ENOX2: variants seen among roughly 807,000 people sequenced by gnomAD.
ENOX2 encodes the protein ecto-NOX disulfide-thiol exchanger 2.
A neutral mutation model predicts 45.0 loss-of-function variants in ENOX2; 36 were observed. The observed-to-expected ratio is 0.80, with a 90% CI of 0.61 to 1.06. The LOEUF (loss-of-function observed/expected upper bound fraction) is 1.06. Ranked by LOEUF, ENOX2 falls within the 50% of genes least tolerant of loss-of-function variation. ENOX2 has a pLI of 0.00. For missense variants in ENOX2, 423 were observed against 462.5 expected (o/e 0.91, Z 0.78); for synonymous variants, 174 against 152.3 (o/e 1.14, Z -1.05).
At chrX:130,646,137 TCTC>T in intron 10 of ENOX2, 1 of 515,917 alleles carries the variant, frequency 1.9e-6, no homozygotes, top group Non-Finnish European at 3.6e-6. Context: ...GCAAGCAACT[TCTC>T]CTGGAGCACT....
At chrX:130,882,659 C>T (rs1337814737) in intron 2 of ENOX2, among the ~76,000 whole-genome samples, 2 of 111,894 alleles carry the variant, frequency 1.8e-5, no homozygotes, top group Admixed American at 1.9e-4. Context: ...GCAATGTTCC[C>T]CTTCACTTTG....
intron 3 of ENOX2, among the ~76,000 whole-genome samples, chrX:130,755,077 T>G (rs1034824709): frequency 8.9e-6 from 1 of 111,851 alleles, no homozygotes; most frequent in Admixed American, 9.5e-5. Context: ...CATACAGTGA[T>G]CCAGAATTCT....
chrX:130,750,091 GTC>G (rs2039183227), intron 3 of ENOX2, among the ~76,000 whole-genome samples: 1 of 110,298 alleles, frequency 9.1e-6, no homozygotes, highest in African/African-American at 3.3e-5. Context: ...CTGTCTATCT[GTC>G]TCTGACCAAC....
At chrX:130,856,198 G>T (rs1439950629) in intron 2 of ENOX2, among the ~76,000 whole-genome samples, 2 of 112,398 alleles carry the variant, frequency 1.8e-5, no homozygotes, top group Admixed American at 9.4e-5. Flanking sequence ...CACCATGATG[G>T]TATTACACGT....
chrX:130,701,412 TATA>T (rs1215269633), intron 4 of ENOX2, among the ~76,000 whole-genome samples: 1 of 111,217 alleles, frequency 9.0e-6, no homozygotes, highest in African/African-American at 3.3e-5. Context: ...TAAATTCTAT[TATA>T]ATCAAATAAT....
intron 3 of ENOX2, among the ~76,000 whole-genome samples, chrX:130,752,501 C>T (rs1433952696): frequency 9.1e-6 from 1 of 110,409 alleles, no homozygotes; most frequent in Non-Finnish European, 1.9e-5. Flanking sequence ...CTTTCTGTCT[C>T]TCTAAGTGTC....
intron 3 of ENOX2, among the ~76,000 whole-genome samples, chrX:130,764,994 T>C (rs2039583928): frequency 9.0e-6 from 1 of 111,677 alleles, no homozygotes; most frequent in African/African-American, 3.2e-5. Context: ...AGATAATGAT[T>C]GCTTGACAGA....
intron 3 of ENOX2, among the ~76,000 whole-genome samples, chrX:130,708,485 A>G (rs766692145): frequency 3.0e-4 from 34 of 111,669 alleles, no homozygotes; most frequent in Non-Finnish European, 5.7e-4. Flanking sequence ...TCACAATGTA[A>G]CTCATCACAC....
chrX:130,636,638 G>C (rs1234772952), intron 11 of ENOX2, among the ~76,000 whole-genome samples: 3 of 112,603 alleles, frequency 2.7e-5, no homozygotes, highest in African/African-American at 9.7e-5. Context: ...AATCGCAGTT[G>C]GGTGCATTTA....
At chrX:130,824,600 G>C (rs1310564723) in intron 2 of ENOX2, among the ~76,000 whole-genome samples, 1 of 111,658 alleles carries the variant, frequency 9.0e-6, no homozygotes, top group Admixed American at 9.6e-5. Context: ...AGCAAAGGCA[G>C]TAAGTAAAGT....
chrX:130,765,541 T>C (rs1888879624), intron 3 of ENOX2, among the ~76,000 whole-genome samples: 1 of 111,797 alleles, frequency 8.9e-6, no homozygotes, highest in Non-Finnish European at 1.9e-5. Flanking sequence ...ATTTTGTGTG[T>C]GGTTGTAGTT....
At position 130,667,762 on chromosome X, in the gene ENOX2, A is replaced by G. The variant is rs1189245512; in HGVS notation, c.695-20T>C. Reference sequence around the variant, plus strand: ...AATCATCTGAAAAAAATATATTTTTATAACCAACAAAGGTAACCAAATTTT... The same window carrying G: ...AATCATCTGAAAAAAATATATTTTTGTAACCAACAAAGGTAACCAAATTTT... On this transcript the variant is annotated intron_variant, in intron 7 of 14. Coordinates refer to ENST00000394363, the MANE Select transcript of ENOX2 (RefSeq NM_006375.4). 6 of 1,151,257 alleles carry G rather than the reference A, an allele frequency of 5.2e-6. No homozygotes were observed. Among genetic ancestry groups the G allele is most frequent in the Non-Finnish European group, 7.1e-6 (6 of 848,224 alleles). The allele number at this position is 1,151,257 out of a possible 1,213,427, so 94.9% of individuals were successfully genotyped here. A position where few individuals can be genotyped will look rare whatever the true frequency, so the allele number is the denominator to read the frequency against.
chrX:130,659,517 A>G (rs894514057), intron 9 of ENOX2, among the ~76,000 whole-genome samples: 1 of 112,495 alleles, frequency 8.9e-6, no homozygotes, highest in Non-Finnish European at 1.9e-5. Flanking sequence ...CACAGAGAAC[A>G]ATAAAGGAAT....
At chrX:130,666,523 T>C (rs1388030937) in intron 8 of ENOX2, among the ~76,000 whole-genome samples, 1 of 111,805 alleles carries the variant, frequency 8.9e-6, no homozygotes, top group Non-Finnish European at 1.9e-5. Context: ...TGGTTGGGTG[T>C]TCACAGTAAG....
At chrX:130,862,577 G>C (rs1603373331) in intron 2 of ENOX2, among the ~76,000 whole-genome samples, 1 of 110,054 alleles carries the variant, frequency 9.1e-6, no homozygotes, top group Non-Finnish European at 1.9e-5. Context: ...GTATGTGTGT[G>C]AGAGGGGTGG....
intron 3 of ENOX2, chrX:130,709,299 T>G (rs2038120428): frequency 8.3e-7 from 1 of 1,197,653 alleles, no homozygotes; most frequent in South Asian, 1.8e-5. Flanking sequence ...CATTGTGTGG[T>G]CCTCAACTGT....
chrX:130,855,098 T>C (rs889960317), intron 2 of ENOX2, among the ~76,000 whole-genome samples: 1 of 111,027 alleles, frequency 9.0e-6, no homozygotes, highest in East Asian at 2.8e-4. Flanking sequence ...GGCATACAAA[T>C]TGGAAAGGAA....
intron 9 of ENOX2, among the ~76,000 whole-genome samples, chrX:130,663,531 C>CA (rs771813859): frequency 0.22 from 9,232 of 42,753 alleles, 748 homozygotes; most frequent in Middle Eastern, 0.33. Flanking sequence ...ACTCCGTCTC[C>CA]AAAAAAAAAA....
intron 5 of ENOX2, among the ~76,000 whole-genome samples, chrX:130,683,627 T>TG (rs750358425): frequency 9.0e-6 from 1 of 111,440 alleles, no homozygotes; most frequent in African/African-American, 3.3e-5. Context: ...AACCTCTCCA[T>TG]AGAAGGTCTA....
Sources: gnomAD v4.1 joint callset for allele counts (sites outside exome capture counted in the v4.1 genomes callset) on GRCh38, gnomAD v4.1.1 for gene constraint, MANE v1.5 for transcripts, NCBI Gene and HGNC (gene_info 2026-07-23, HGNC 2026-07-21) for gene names.